SLIT3: variants seen among roughly 807,000 people sequenced by gnomAD.
The protein encoded by SLIT3 is slit homolog 3 protein.
Under a neutral mutation model 184.0 loss-of-function variants are expected in SLIT3, and 68 were observed. That is an observed-to-expected ratio of 0.37 (90% CI 0.30 to 0.45). The LOEUF is 0.45. SLIT3 is among the 20% of genes least tolerant of loss of function. The pLI, the probability that SLIT3 is intolerant of heterozygous loss-of-function variation, is 1.00. For synonymous variants in SLIT3, 831 were observed against 828.6 expected (o/e 1.00, Z -0.05); for missense variants, 1,707 against 2,026.0 (o/e 0.84, Z 3.02).
intron 4 of SLIT3, among the ~76,000 whole-genome samples, chr5:168,927,832 A>G (rs2113150392): frequency 6.6e-6 from 1 of 152,360 alleles, no homozygotes; most frequent in South Asian, 2.1e-4. Flanking sequence ...AAATATTATT[A>G]CATACTGCAG....
intron 1 of SLIT3, among the ~76,000 whole-genome samples, chr5:169,256,020 A>G (rs1300788820): frequency 6.6e-6 from 1 of 152,192 alleles, no homozygotes; most frequent in African/African-American, 2.4e-5. Context: ...ATATTCACCC[A>G]CCACTCACTC....
intron 4 of SLIT3, among the ~76,000 whole-genome samples, chr5:169,076,843 C>T (rs1196950730): frequency 2.0e-5 from 3 of 152,124 alleles, no homozygotes; most frequent in African/African-American, 4.8e-5. Context: ...TCAAGTGCTA[C>T]TCAGTTGATG....
At chr5:168,768,991 T>C (rs973397458) in intron 14 of SLIT3, among the ~76,000 whole-genome samples, 1 of 152,152 alleles carries the variant, frequency 6.6e-6, no homozygotes, top group Admixed American at 6.5e-5. Context: ...ATAGTTGTTG[T>C]TTGAGAACAC....
At chr5:169,159,385 C>T (rs1371483377) in intron 4 of SLIT3, among the ~76,000 whole-genome samples, 1 of 152,144 alleles carries the variant, frequency 6.6e-6, no homozygotes, top group Non-Finnish European at 1.5e-5. Context: ...GAGATCGTGC[C>T]ATTGCACTCC....
chr5:168,774,445 C>A, intron 12 of SLIT3, 67 bp from the exon 13 acceptor site: 1 of 1,501,186 alleles, frequency 6.7e-7, no homozygotes, highest in East Asian at 2.3e-5. Flanking sequence ...AAGGGTTGCA[C>A]CTGCAGGGGA....
At chr5:168,966,872 C>T (rs184407099) in intron 4 of SLIT3, among the ~76,000 whole-genome samples, 48 of 152,208 alleles carry the variant, frequency 3.2e-4, no homozygotes, top group East Asian at 3.9e-4. Context: ...GAATATAAAC[C>T]GGTAATGTCT....
At position 168,749,368 on chromosome 5, in the gene SLIT3, G is replaced by C. The variant is rs928337818; in HGVS notation, c.2137+104C>G. The C allele has an allele frequency of 3.6e-6, 5 of 1,380,638 alleles. No homozygotes were observed. In the African/African-American group the frequency reaches 7.1e-5, roughly 20 times the overall value. 85.5% of individuals were successfully genotyped at this position (1,380,638 alleles called of 1,614,324 possible). A position where few individuals can be genotyped will look rare whatever the true frequency, so the allele number is the denominator to read the frequency against. On this transcript the variant is annotated intron_variant, in intron 19 of 35. Transcript: ENST00000519560. ...CCAGAGCTCCAGCTGCATGCCCAAAGCAAAGTGGAATTGGATCTCAGGGAG... is the reference window on the plus strand; with the variant it reads ...CCAGAGCTCCAGCTGCATGCCCAAACCAAAGTGGAATTGGATCTCAGGGAG...
chr5:169,188,131 GT>G (rs1763422345), intron 4 of SLIT3, among the ~76,000 whole-genome samples: 1 of 152,104 alleles, frequency 6.6e-6, no homozygotes, highest in African/African-American at 2.4e-5. Context: ...CTATATTTTT[GT>G]ATTTTTGGTA....
intron 20 of SLIT3, among the ~76,000 whole-genome samples, chr5:168,734,577 T>A (rs1367288633): frequency 1.3e-5 from 2 of 152,224 alleles, no homozygotes; most frequent in African/African-American, 4.8e-5. Flanking sequence ...TATTACAGAA[T>A]GTTCCATGTG....
chr5:169,299,762 T>A (rs1157864124), intron 1 of SLIT3, among the ~76,000 whole-genome samples: 1 of 152,188 alleles, frequency 6.6e-6, no homozygotes, highest in Non-Finnish European at 1.5e-5. Flanking sequence ...CGCCTCTCCA[T>A]TCGCTGCCAA....
chr5:168,707,351 G>T (rs888100114), intron 26 of SLIT3: 1 of 154,500 alleles, frequency 6.5e-6, no homozygotes, highest in African/African-American at 2.4e-5. Context: ...TATCCACAGG[G>T]GTCAGCAGAG....
chr5:169,281,313 C>A (rs1279397866), intron 1 of SLIT3, among the ~76,000 whole-genome samples: 2 of 152,194 alleles, frequency 1.3e-5, no homozygotes, highest in African/African-American at 4.8e-5. Flanking sequence ...CCCGTCTCTA[C>A]TAAAAATACA....
chr5:169,022,783 T>C (rs559851326), intron 4 of SLIT3: 1 of 151,998 alleles, frequency 6.6e-6, no homozygotes, highest in Non-Finnish European at 1.5e-5. Flanking sequence ...CATTGTCCAG[T>C]GTGTGCCCTG....
At chr5:168,883,054 C>T (rs530386660) in intron 5 of SLIT3, among the ~76,000 whole-genome samples, 2 of 152,164 alleles carry the variant, frequency 1.3e-5, no homozygotes, top group Non-Finnish European at 2.9e-5. Context: ...CTCCAGTGCT[C>T]ATATCTGGGG....
intron 4 of SLIT3, among the ~76,000 whole-genome samples, chr5:169,150,367 A>G (rs1381119014): frequency 6.6e-6 from 1 of 152,130 alleles, no homozygotes; most frequent in Non-Finnish European, 1.5e-5. Context: ...ACAAAATAAG[A>G]TAAGGATAAA....
intron 4 of SLIT3, among the ~76,000 whole-genome samples, chr5:169,040,994 G>A (rs550313847): frequency 6.6e-6 from 1 of 152,310 alleles, no homozygotes; most frequent in African/African-American, 2.4e-5. Flanking sequence ...AATACAATAT[G>A]AAGAGAGTTG....
chr5:169,175,046 G>A (rs1249969091), intron 4 of SLIT3, among the ~76,000 whole-genome samples: 1 of 152,222 alleles, frequency 6.6e-6, no homozygotes, highest in African/African-American at 2.4e-5. Context: ...AGGTGGGTCT[G>A]TGGATCCCAC....
chr5:168,968,466 G>A (rs186159265), intron 4 of SLIT3, among the ~76,000 whole-genome samples: 2 of 152,322 alleles, frequency 1.3e-5, no homozygotes, highest in African/African-American at 2.4e-5. Flanking sequence ...CAGTCTCGCT[G>A]CCAACTTTGG....
At chr5:168,993,814 G>A (rs1370492117) in intron 4 of SLIT3, among the ~76,000 whole-genome samples, 1 of 152,250 alleles carries the variant, frequency 6.6e-6, no homozygotes, top group Non-Finnish European at 1.5e-5. Context: ...GTAGAGCCAC[G>A]TGATCAAAAT....
Sources: allele counts gnomAD v4.1 joint callset (sites outside exome capture counted in the v4.1 genomes callset), GRCh38; gene constraint gnomAD v4.1.1; transcripts MANE v1.5; gene names NCBI Gene and HGNC (gene_info 2026-07-23, HGNC 2026-07-21).